ARPIN: variants seen among roughly 807,000 people sequenced by gnomAD.
ARPIN encodes actin related protein 2/3 complex inhibitor.
In ARPIN, 23 loss-of-function variants were observed where a neutral mutation model predicts 25.9. The ratio of observed to expected loss-of-function variants is 0.89; its 90% CI spans 0.64 to 1.26. The LOEUF (loss-of-function observed/expected upper bound fraction) is 1.26, where lower values mean the gene tolerates loss of function less well. ARPIN is among the 50% of genes most tolerant of loss of function. ARPIN has a pLI of 0.00. For missense variants in ARPIN, 333 were observed against 312.2 expected (o/e 1.07, Z -0.50); for synonymous variants, 126 against 131.4 (o/e 0.96, Z 0.28).
At position 89,903,314 on chromosome 15, in the gene ARPIN, CT is replaced by C. The variant is rs776519699; in HGVS notation, c.573del (p.Ala193HisfsTer48). 3 of 1,614,190 alleles carry C rather than the reference CT, an allele frequency of 1.9e-6. No homozygotes were observed. The highest frequency in any genetic ancestry group is 2.5e-6 in the Non-Finnish European group (3 of 1,180,036). On this transcript the variant is annotated frameshift_variant, in exon 5 of 6. Transcript: ENST00000357484. LOFTEE classifies it high-confidence loss of function. ...TKCNFTGDGK[T>X]GASWTDNIMA... ...ATGATGTTGTCTGTCCAGGATGCCCCTGTCTTTCCATCACCAGTGAAATTAC... is the reference window on the plus strand; with the variant it reads ...ATGATGTTGTCTGTCCAGGATGCCCCGTCTTTCCATCACCAGTGAAATTAC...
intron 5 of ARPIN, 24 bp from the exon 6 acceptor site, chr15:89,901,827 A>G (rs779537886): frequency 2.5e-6 from 4 of 1,613,588 alleles, no homozygotes; most frequent in Non-Finnish European, 2.5e-6. Context: ...AGGGGTAAAG[A>G]GATGTGGAGA....
chr15:89,908,523 A>G, intron 2 of ARPIN, 111 bp from the exon 3 acceptor site: 8 of 1,522,430 alleles, frequency 5.3e-6, no homozygotes, highest in African/African-American at 1.4e-5. Context: ...AGCCCACCTC[A>G]GCTCCAAAAG....
chr15:89,910,781 A>G lies in ARPIN; in HGVS notation c.131T>C (p.Val44Ala). 1 of 1,614,216 alleles carries G rather than the reference A, an allele frequency of 6.2e-7. No individual in the cohort carries two copies. Among genetic ancestry groups the G allele is most frequent in the Non-Finnish European group, 8.5e-7 (1 of 1,180,024 alleles). Residue 44 changes from valine (V) to alanine (A), a missense_variant, in exon 2 of 6, where the codon GTA becomes GCA. By Grantham distance (64) the Val-to-Ala change is moderately conservative. Transcript: ENST00000357484. The stretch of plus-strand genomic sequence containing the variant: ...AGTGTCCAAGATGCTGTGCCGAGAT[A>G]CATCGATCAGTTCTCCCTCCAGCAG... The part of the protein sequence containing the change: ...GVLLEGELID[V>A]SRHSILDTHG...
In ARPIN at chr15:89,908,303, G is replaced by T. The variant is rs373434670; in HGVS notation, c.278C>A (p.Thr93Lys). 6 of 1,614,092 alleles carry T rather than the reference G, an allele frequency of 3.7e-6. No individual in the cohort carries two copies. In the African/African-American group the frequency reaches 8.0e-5, roughly 22 times the overall value. Residue 93 changes from threonine (T) to lysine (K), a missense_variant, in exon 3 of 6, where the codon ACG (threonine) becomes AAG (lysine). Transcript: ENST00000357484. ...ACTGTAGGACGACATGAGGAAGCCC[G>T]TGTTCACCTTCCTGGTGGCGCTGAA... ...PNFSATRKVN[T>K]GFLMSSYKVE...
At chr15:89,902,894 T>C in intron 5 of ARPIN, 2 of 1,269,974 alleles carry the variant, frequency 1.6e-6, no homozygotes, top group South Asian at 3.3e-5. Flanking sequence ...TCAGCATGGT[T>C]AATGTATTCA....
rs1410206532 is a variant in ARPIN, at chr15:89,901,668, T to C, written c.*127A>G. 1.1e-5 allele frequency: 12 copies of C among 1,129,894 alleles called. No homozygotes were observed. Among genetic ancestry groups the C allele is most frequent in the Non-Finnish European group, 1.3e-5 (10 of 766,434 alleles). The allele number at this position is 1,129,894 out of a possible 1,614,324, so 70.0% of individuals were successfully genotyped here. A position where few individuals can be genotyped will look rare whatever the true frequency, so the allele number is the denominator to read the frequency against. On this transcript the variant is annotated 3_prime_UTR_variant, in exon 6 of 6. Coordinates refer to ENST00000357484, the MANE Select transcript of ARPIN (RefSeq NM_182616.4). ...AGCTTGTTCAAAGAGTATTCCAAGG[T>C]GGCTATGGGGAAGAACCAGGTAAGA... is the stretch of plus-strand genomic sequence containing the variant.
chr15:89,908,248 T>C, intron 3 of ARPIN, 32 bp downstream of exon 3: 1 of 1,612,930 alleles, frequency 6.2e-7, no homozygotes. Context: ...AGGAGGGCCC[T>C]GAGGGAGAGA....
intron 2 of ARPIN, among the ~76,000 whole-genome samples, chr15:89,908,909 G>C (rs1341918276): frequency 6.6e-6 from 1 of 152,160 alleles, no homozygotes; most frequent in African/African-American, 2.4e-5. Context: ...CTTGAGCCCA[G>C]GAGGCGGAGG....
At chr15:89,908,457 AAC>A in intron 2 of ARPIN, 45 bp from the exon 3 acceptor site, 2 of 1,609,450 alleles carry the variant, frequency 1.2e-6, no homozygotes, top group Non-Finnish European at 1.7e-6. Flanking sequence ...TTCATCCCAC[AAC>A]ACACACACTC....
At chr15:89,904,283 G>A (rs1032311101) in intron 3 of ARPIN, among the ~76,000 whole-genome samples, 3 of 152,128 alleles carry the variant, frequency 2.0e-5, no homozygotes, top group African/African-American at 4.8e-5. Flanking sequence ...CTGAAATGAC[G>A]TATAAAGGAA....
At position 89,912,860 on chromosome 15, in the gene ARPIN, G is replaced by A. The variant is rs1192287511; in HGVS notation, c.-25C>T. On this transcript the variant is annotated 5_prime_UTR_variant, in exon 1 of 6. Transcript: ENST00000357484. ...TTCTCCCGACCGCCCGGGCACCCCG[G>A]CACAGAGCCGGCGCACTGGGCTGGG... The A allele has an allele frequency of 6.6e-7, 1 of 1,512,644 alleles. No individual in the cohort carries two copies. The allele number at this position is 1,512,644 out of a possible 1,614,324, so 93.7% of individuals were successfully genotyped here. A position where few individuals can be genotyped will look rare whatever the true frequency, so the allele number is the denominator to read the frequency against.
intron 2 of ARPIN, 90 bp from the exon 3 acceptor site, chr15:89,908,502 T>C (rs749455170): frequency 5.7e-6 from 9 of 1,571,784 alleles, no homozygotes; most frequent in Non-Finnish European, 6.0e-6. Context: ...CAACCTCACA[T>C]CTACCCTAGA....
At chr15:89,904,581 C>T (rs1431431365) in intron 3 of ARPIN, among the ~76,000 whole-genome samples, 1 of 152,110 alleles carries the variant, frequency 6.6e-6, no homozygotes, top group Non-Finnish European at 1.5e-5. Flanking sequence ...TCTCTCCTGG[C>T]CCTGGCAGAG....
intron 1 of ARPIN, chr15:89,912,405 G>T (rs1198032121): frequency 5.4e-6 from 6 of 1,108,404 alleles, no homozygotes; most frequent in Non-Finnish European, 4.4e-6. Flanking sequence ...AAGCAGCGCG[G>T]CAAGTAGCTG....
chr15:89,908,564 C>T (rs192691585), intron 2 of ARPIN, 152 bp from the exon 3 acceptor site: 3 of 1,356,598 alleles, frequency 2.2e-6, no homozygotes, highest in South Asian at 1.5e-5. Context: ...CTCCCTCTGC[C>T]CCCAAATACT....
chr15:89,903,364 A>C lies in ARPIN; in HGVS notation c.524T>G (p.Leu175Arg), dbSNP rs1897058125. 6.2e-7 allele frequency: 1 copy of C among 1,614,116 alleles called. No homozygotes were observed. The highest frequency in any genetic ancestry group is 8.5e-7 in the Non-Finnish European group (1 of 1,180,012). The part of the protein sequence containing the change: ...DGPFLDSLAK[L>R]EAGTVTKCNF... ...ACACTTGGTCACTGTTCCAGCCTCA[A>C]GTTTGGCCAATGAATCTGAAAGAAG... Residue 175 changes from leucine to arginine, a missense_variant, in exon 5 of 6, where the codon CTT (leucine) becomes CGT (arginine). Leu to Arg is a moderately radical substitution (Grantham distance 102). Coordinates refer to ENST00000357484, the MANE Select transcript of ARPIN (RefSeq NM_182616.4).
At chr15:89,903,513 GC>G (rs964349355) in intron 4 of ARPIN, 134 bp from the exon 5 acceptor site, 1 of 1,461,266 alleles carries the variant, frequency 6.8e-7, no homozygotes, top group African/African-American at 1.4e-5. Flanking sequence ...TGGTCAATGA[GC>G]CCCTGGGTGG....
chr15:89,904,101 A>T (rs929246972), intron 3 of ARPIN, 118 bp from the exon 4 acceptor site: 2 of 1,250,564 alleles, frequency 1.6e-6, no homozygotes, highest in Non-Finnish European at 2.2e-6. Flanking sequence ...GGAGGCTGGG[A>T]CTCAGTGCCC....
At chr15:89,903,099 C>T in intron 5 of ARPIN, 117 bp downstream of exon 5, 1 of 1,599,596 alleles carries the variant, frequency 6.3e-7, no homozygotes, top group Non-Finnish European at 8.5e-7. Context: ...TCACAGAATT[C>T]CACTAAAGCT....
Sources: gnomAD v4.1 joint callset for allele counts (sites outside exome capture counted in the v4.1 genomes callset) on GRCh38, gnomAD v4.1.1 for gene constraint, MANE v1.5 for transcripts, NCBI Gene and HGNC (gene_info 2026-07-23, HGNC 2026-07-21) for gene names.